Variants in TLE7 observed in about 807,000 individuals in gnomAD.
TLE7 encodes TLE family member 7, also known as transducin-like enhancer protein 7.
chr16:71,435,998 G>A (rs2042824686), intron 1 of TLE7, among the ~76,000 whole-genome samples: 1 of 152,182 alleles, frequency 6.6e-6, no homozygotes, highest in Non-Finnish European at 1.5e-5. Flanking sequence ...AGGCTTTCTA[G>A]AAAGAGCAGG....
chr16:71,436,119 G>T (rs1335996853), intron 1 of TLE7, among the ~76,000 whole-genome samples: 1 of 151,964 alleles, frequency 6.6e-6, no homozygotes, highest in Non-Finnish European at 1.5e-5. Flanking sequence ...CCAGAATGCT[G>T]GTCTGGGGGC....
In TLE7 at chr16:71,431,041, A is replaced by AG. The variant is rs1404698816; in HGVS notation, c.1147+79dup. 5.0e-6 allele frequency: 2 copies of AG among 400,134 alleles called. No homozygotes were observed. Among genetic ancestry groups the AG allele is most frequent in the African/African-American group, 2.1e-5 (1 of 48,668 alleles). The allele number at this position is 400,134 out of a possible 1,614,324, so 24.8% of individuals were successfully genotyped here. ...ATTACGGAGGGAGCCAGAAAAGGAA[A>AG]GGGGGGTGAACAGAGAAAGAAGAGA... On this transcript the variant is annotated intron_variant, in intron 8 of 9. Coordinates refer to ENST00000561754, the MANE Select transcript of TLE7 (RefSeq NM_001367365.2). This position sits in a 1 kb window ranked among gnomAD's most constrained non-coding sequence, Gnocchi z 4.5.
At chr16:71,438,136 G>C (rs1385422064) in intron 1 of TLE7, among the ~76,000 whole-genome samples, 2 of 152,174 alleles carry the variant, frequency 1.3e-5, no homozygotes, top group Non-Finnish European at 2.9e-5. Flanking sequence ...CTACTTATAA[G>C]AAACCATAAG....
intron 9 of TLE7, 36 bp downstream of exon 9, chr16:71,430,632 A>G: frequency 2.5e-6 from 1 of 398,550 alleles, no homozygotes; most frequent in Non-Finnish European, 4.4e-6. Flanking sequence ...ACAAGCTCCC[A>G]GTGCCTGGGT....
chr16:71,433,063 C>T lies in TLE7; in HGVS notation c.262G>A (p.Ala88Thr), dbSNP rs762700960. The change falls in exon 2 of 10, where the codon GCT becomes ACT. Residue 88 changes from alanine to threonine, a missense_variant. Ala to Thr is a moderately conservative substitution (Grantham distance 58, BLOSUM62 0). Coordinates refer to ENST00000561754, the MANE Select transcript of TLE7 (RefSeq NM_001367365.2). Reference sequence around the variant, plus strand: ...CCTGGTTGTGCATCAGGGAGCCCAGCGGCCTGGAGCTCAGATCTACCCAGG... The same window carrying T: ...CCTGGTTGTGCATCAGGGAGCCCAGTGGCCTGGAGCTCAGATCTACCCAGG... ...QGLGRSELQA[A>T]GLPDAQPGEA... 7 of 398,558 alleles carry T rather than the reference C, an allele frequency of 1.8e-5. No individual in the cohort carries two copies. The highest frequency in any genetic ancestry group is 1.3e-4 in the South Asian group (1 of 7,854). 24.7% of individuals were successfully genotyped at this position (398,558 alleles called of 1,614,324 possible). A position where few individuals can be genotyped will look rare whatever the true frequency, so the allele number is the denominator to read the frequency against.
rs761490941 is a variant in TLE7, at chr16:71,430,035, A to C, written c.*227T>G. On this transcript the variant is annotated 3_prime_UTR_variant, in exon 10 of 10. Transcript: ENST00000561754. ...ACAAAGGGATCTCAAGTTTCCTGCC[A>C]AAACCCAGAAATCAGTGGTAGGAAG... Among the ~76,000 whole-genome samples the C allele has an allele frequency of 7.6e-4, 116 of 152,334 alleles. No individual in the cohort carries two copies. The highest frequency in any genetic ancestry group is 1.4e-3 in the Non-Finnish European group (93 of 68,024).
Position 71,431,664 on chromosome 16 carries a change from A to G in TLE7, c.851+97T>C, listed in dbSNP as rs532654577. On this transcript the variant is annotated intron_variant, in intron 6 of 9. Transcript: ENST00000561754. The surrounding 1 kb of genome is among the most constrained non-coding windows in gnomAD (Gnocchi z 4.5). ...TAGGAGTACCCCAGATATATCTTCT[A>G]CACTGACTCGCCCAGCCCTAATGCA... The G allele has an allele frequency of 5.0e-5, 20 of 400,332 alleles. No individual in the cohort carries two copies. In the Admixed American group the frequency reaches 7.5e-4, roughly 15 times the overall value. The allele number at this position is 400,332 out of a possible 1,614,324, so 24.8% of individuals were successfully genotyped here.
chr16:71,441,484 C>T (rs1230700799), intron 1 of TLE7, among the ~76,000 whole-genome samples: 1 of 152,254 alleles, frequency 6.6e-6, no homozygotes, highest in Non-Finnish European at 1.5e-5. Context: ...CCCCAGGACT[C>T]CGGCCGTGGG....
intron 1 of TLE7, among the ~76,000 whole-genome samples, chr16:71,438,681 C>CAA (rs71389663): frequency 0.19 from 12,530 of 65,562 alleles, 1,645 homozygotes; most frequent in African/African-American, 0.29. Flanking sequence ...GACTCCATCT[C>CAA]AAAAAAAAAA....
intron 1 of TLE7, among the ~76,000 whole-genome samples, chr16:71,438,719 C>T (rs980292199): frequency 6.6e-5 from 10 of 150,884 alleles, no homozygotes; most frequent in East Asian, 1.9e-4. Flanking sequence ...AGGGACAGCC[C>T]GAGGAGTTGC....
At chr16:71,441,470 G>A (rs1031563835) in intron 1 of TLE7, among the ~76,000 whole-genome samples, 4 of 152,218 alleles carry the variant, frequency 2.6e-5, no homozygotes, top group African/African-American at 9.6e-5. Flanking sequence ...TTAGGGACCC[G>A]CTGCCCCAGG....
At chr16:71,432,759 G>A (rs933784583) in intron 3 of TLE7, 36 bp from the exon 4 acceptor site, 3 of 398,592 alleles carry the variant, frequency 7.5e-6, no homozygotes, top group African/African-American at 6.2e-5. Flanking sequence ...TGCTCACAGA[G>A]TCCCACGCTT....
chr16:71,437,935 C>A (rs982541526), intron 1 of TLE7, among the ~76,000 whole-genome samples: 1 of 152,148 alleles, frequency 6.6e-6, no homozygotes, highest in African/African-American at 2.4e-5. Flanking sequence ...CTATTGCCTT[C>A]AAGATAATGT....
rs1300966319 is a variant in TLE7 at position 71,433,253 on chromosome 16, A to G, written c.72T>C (p.Asp24=). 1 of 398,540 alleles carries G rather than the reference A, an allele frequency of 2.5e-6. No individual in the cohort carries two copies. Among genetic ancestry groups the G allele is most frequent in the Non-Finnish European group, 4.4e-6 (1 of 226,138 alleles). The allele number at this position is 398,540 out of a possible 1,614,324, so 24.7% of individuals were successfully genotyped here. The change falls in exon 2 of 10, where the codon GAT becomes GAC. Residue 24 remains aspartate, a synonymous_variant. Coordinates refer to ENST00000561754, the MANE Select transcript of TLE7 (RefSeq NM_001367365.2). ...GAYGEPEERR[D]VLESSGVSSQ... ...AGGAAACGCCAGAGCTTTCCAGCAC[A>G]TCCCTCCTCTCCTCTGGCTCACCAT...
At chr16:71,433,485 G>A (rs1325638030) in intron 1 of TLE7, 65 bp from the exon 2 acceptor site, 2 of 396,846 alleles carry the variant, frequency 5.0e-6, no homozygotes, top group African/African-American at 4.1e-5. Context: ...TTTAGAAGGG[G>A]CAGAGAATGT....
chr16:71,437,385 A>C, intron 1 of TLE7, among the ~76,000 whole-genome samples: 1 of 147,200 alleles, frequency 6.8e-6, no homozygotes, highest in Non-Finnish European at 1.5e-5. Context: ...AAAGGGAGGG[A>C]GGAGAGAGAG....
Position 71,432,185 on chromosome 16 carries a change from A to G in TLE7, c.534T>C (p.Ser178=), listed in dbSNP as rs4620964. The change falls in exon 5 of 10, where the codon TCT becomes TCC. Residue 178 remains serine (S), a synonymous_variant. Coordinates refer to ENST00000561754, the MANE Select transcript of TLE7 (RefSeq NM_001367365.2). ...TCTCATCCCATACCCTGATGTAGCCAGAGCCACACGTGTACACGTGGTGGG... is the reference window on the plus strand; with the variant it reads ...TCTCATCCCATACCCTGATGTAGCCGGAGCCACACGTGTACACGTGGTGGG... ...GSTHHVYTCG[S]GYIRVWDESA... is the part of the protein sequence containing the mutation. 280,289 of 400,736 alleles carry G rather than the reference A, an allele frequency of 0.7. 101,609 individuals carry two copies. The highest frequency in any genetic ancestry group is 0.93 in the African/African-American group (45,449 of 48,808). 24.8% of individuals were successfully genotyped at this position (400,736 alleles called of 1,614,324 possible). A position where few individuals can be genotyped will look rare whatever the true frequency, so the allele number is the denominator to read the frequency against.
Position 71,432,527 on chromosome 16 carries a change from G to A in TLE7, c.393+138C>T, listed in dbSNP as rs1186795384. On this transcript the variant is annotated intron_variant, in intron 4 of 9. Transcript: ENST00000561754. ...CCCTACTTCTCAGGATGGGGGAACA[G>A]GGAACATAGCTCAAAAGGAGCAGGA... is the stretch of plus-strand genomic sequence containing the variant. 3 of 397,902 alleles carry A rather than the reference G, an allele frequency of 7.5e-6. No individual in the cohort carries two copies. The South Asian group carries it at 4.2e-4, about 56-fold the overall frequency. The allele number at this position is 397,902 out of a possible 1,614,324, so 24.6% of individuals were successfully genotyped here.
chr16:71,431,353 T>C lies in TLE7; in HGVS notation c.993+68A>G. ...TTGTGCCCACCTCTCAAGCTCACACTCCCACCCCTGCCTCCATGCATGGCT... is the reference window on the plus strand; with the variant it reads ...TTGTGCCCACCTCTCAAGCTCACACCCCCACCCCTGCCTCCATGCATGGCT... On this transcript the variant is annotated intron_variant, in intron 7 of 9. Coordinates refer to ENST00000561754, the MANE Select transcript of TLE7 (RefSeq NM_001367365.2). This position sits in a 1 kb window ranked among gnomAD's most constrained non-coding sequence, Gnocchi z 4.5. The C allele has an allele frequency of 7.5e-6, 3 of 399,340 alleles. No homozygotes were observed. In the East Asian group the frequency reaches 1.1e-4, roughly 14 times the overall value. The allele number at this position is 399,340 out of a possible 1,614,324, so 24.7% of individuals were successfully genotyped here. A position where few individuals can be genotyped will look rare whatever the true frequency, so the allele number is the denominator to read the frequency against.
Sources: gnomAD v4.1 joint callset for allele counts (sites outside exome capture counted in the v4.1 genomes callset) on GRCh38, gnomAD v4.1.1 for gene constraint, Gnocchi (gnomAD v3.1) non-coding constraint, MANE v1.5 for transcripts, NCBI Gene and HGNC (gene_info 2026-07-23, HGNC 2026-07-21) for gene names.